Variants in UBE2E2 observed in about 807,000 individuals in gnomAD.
UBE2E2 encodes the protein ubiquitin-conjugating enzyme E2 E2.
A neutral mutation model predicts 24.7 loss-of-function variants in UBE2E2; 6 were observed. The observed-to-expected ratio is 0.24, with a 90% CI of 0.13 to 0.48. The LOEUF (loss-of-function observed/expected upper bound fraction) is 0.48, where lower values mean the gene tolerates loss of function less well. UBE2E2 is among the 20% of genes least tolerant of loss of function. The probability of loss-of-function intolerance (pLI) is 0.99; values close to 1 mark genes in which losing one functional copy is unlikely to be tolerated. For synonymous variants in UBE2E2, 104 were observed against 83.6 expected (o/e 1.24, Z -1.33); for missense variants, 169 against 245.0 (o/e 0.69, Z 2.07).
At chr3:23,292,332 G>T (rs765214429) in intron 3 of UBE2E2, among the ~76,000 whole-genome samples, 2 of 152,098 alleles carry the variant, frequency 1.3e-5, no homozygotes, top group African/African-American at 4.8e-5. Flanking sequence ...CTTTAAAACA[G>T]TATTGGTGGT....
chr3:23,304,179 C>T (rs1699182000), intron 3 of UBE2E2, among the ~76,000 whole-genome samples: 1 of 152,134 alleles, frequency 6.6e-6, no homozygotes, highest in African/African-American at 2.4e-5. Context: ...CCACTTTTGA[C>T]CGTGGGCAGG....
At chr3:23,483,454 CT>C (rs1699297542) in intron 3 of UBE2E2, among the ~76,000 whole-genome samples, 1 of 152,014 alleles carries the variant, frequency 6.6e-6, no homozygotes, top group South Asian at 2.1e-4. Context: ...AAAGTGTTAC[CT>C]TTTTTACAGA....
intron 3 of UBE2E2, among the ~76,000 whole-genome samples, chr3:23,495,041 C>G (rs551254619): frequency 6.6e-6 from 1 of 152,258 alleles, no homozygotes; most frequent in South Asian, 2.1e-4. Flanking sequence ...TCCCAAAGTG[C>G]TGTGATTACA....
chr3:23,582,305 A>G (rs934164934), intron 5 of UBE2E2, among the ~76,000 whole-genome samples: 2 of 152,026 alleles, frequency 1.3e-5, no homozygotes, highest in Non-Finnish European at 1.5e-5. Flanking sequence ...TAGATAGTCT[A>G]CCATTGATGG....
intron 3 of UBE2E2, among the ~76,000 whole-genome samples, chr3:23,229,080 G>T (rs1455015237): frequency 6.6e-6 from 1 of 152,256 alleles, no homozygotes; most frequent in East Asian, 1.9e-4. Flanking sequence ...GTTTCACCCA[G>T]TCTGGCAAGA....
At chr3:23,558,798 T>C (rs903854796) in intron 5 of UBE2E2, among the ~76,000 whole-genome samples, 1 of 152,216 alleles carries the variant, frequency 6.6e-6, no homozygotes, top group Non-Finnish European at 1.5e-5. Context: ...CAGTGGCATA[T>C]GCCTGTATTC....
intron 3 of UBE2E2, among the ~76,000 whole-genome samples, chr3:23,274,379 G>T (rs1698326213): frequency 6.6e-6 from 1 of 151,910 alleles, no homozygotes; most frequent in African/African-American, 2.4e-5. Flanking sequence ...AGAGTGACGA[G>T]TCCCTCTCTG....
intron 5 of UBE2E2, among the ~76,000 whole-genome samples, chr3:23,534,733 A>G (rs777609174): frequency 3.3e-5 from 5 of 152,162 alleles, no homozygotes; most frequent in Non-Finnish European, 7.4e-5. Flanking sequence ...TTTTTTACCT[A>G]CAGAGGTAGG....
chr3:23,553,035 T>A (rs545356674), intron 5 of UBE2E2, among the ~76,000 whole-genome samples: 4 of 152,294 alleles, frequency 2.6e-5, no homozygotes, highest in Admixed American at 2.0e-4. Context: ...TCTCCTTGAT[T>A]ATATCCACCC....
In UBE2E2 at chr3:23,203,454, C is replaced by CA. The variant is rs892969214; in HGVS notation, c.-19_-18insA. On this transcript the variant is annotated 5_prime_UTR_variant, in exon 1 of 6. Transcript: ENST00000396703. ...TCGAGCCTGCGACCTGCACGGACAC[C>CA]CCCCCCTCAGGTATTCGCTCGGGCC... The CA allele has an allele frequency of 1.5e-5, 14 of 955,170 alleles. No homozygotes were observed. The highest frequency in any genetic ancestry group is 5.0e-5 in the South Asian group (1 of 19,916). 59.2% of individuals were successfully genotyped at this position (955,170 alleles called of 1,614,324 possible).
At chr3:23,214,919 A>G (rs1171417290) in intron 2 of UBE2E2, among the ~76,000 whole-genome samples, 1 of 152,014 alleles carries the variant, frequency 6.6e-6, no homozygotes, top group Non-Finnish European at 1.5e-5. Context: ...ACAACTCTTA[A>G]TAATACACTT....
At chr3:23,391,977 G>A (rs1696946536) in intron 3 of UBE2E2, among the ~76,000 whole-genome samples, 1 of 152,060 alleles carries the variant, frequency 6.6e-6, no homozygotes, top group Admixed American at 6.6e-5. Context: ...AATTGTCACA[G>A]TAATTTAATA....
chr3:23,351,090 C>T (rs1373723052), intron 3 of UBE2E2, among the ~76,000 whole-genome samples: 2 of 152,096 alleles, frequency 1.3e-5, no homozygotes, highest in East Asian at 1.9e-4. Context: ...TTCAACATTC[C>T]TAAAGAAATG....
intron 3 of UBE2E2, among the ~76,000 whole-genome samples, chr3:23,449,371 C>G (rs1698504978): frequency 1.3e-5 from 2 of 152,068 alleles, no homozygotes; most frequent in Non-Finnish European, 2.9e-5. Flanking sequence ...ATTTTAGTAC[C>G]AAATCTCAGA....
chr3:23,495,006 C>T (rs1699573505), intron 3 of UBE2E2, among the ~76,000 whole-genome samples: 3 of 152,054 alleles, frequency 2.0e-5, no homozygotes, highest in Admixed American at 2.0e-4. Flanking sequence ...AACTCCTGGC[C>T]TCAAATGATC....
chr3:23,258,649 G>A (rs1337641536), intron 3 of UBE2E2, among the ~76,000 whole-genome samples: 6 of 152,018 alleles, frequency 3.9e-5, no homozygotes, highest in South Asian at 2.1e-4. Flanking sequence ...ATCCCACCAC[G>A]TTGGGAGGCC....
At chr3:23,547,896 A>C (rs114439994) in intron 5 of UBE2E2, among the ~76,000 whole-genome samples, 3 of 152,312 alleles carry the variant, frequency 2.0e-5, no homozygotes, top group African/African-American at 7.2e-5. Context: ...ACTTTTAAAA[A>C]ACTTTTATGC....
At chr3:23,562,917 C>A (rs1462930933) in intron 5 of UBE2E2, among the ~76,000 whole-genome samples, 1 of 152,084 alleles carries the variant, frequency 6.6e-6, no homozygotes, top group South Asian at 2.1e-4. Context: ...GTAGTGATAT[C>A]CCCTTTATCG....
chr3:23,349,691 G>A (rs1396491328), intron 3 of UBE2E2, among the ~76,000 whole-genome samples: 4 of 152,220 alleles, frequency 2.6e-5, no homozygotes, highest in East Asian at 1.9e-4. Flanking sequence ...AGGGGCGCCC[G>A]CCATTGCCCA....
Sources: allele counts gnomAD v4.1 joint callset (sites outside exome capture counted in the v4.1 genomes callset), GRCh38; gene constraint gnomAD v4.1.1; transcripts MANE v1.5; gene names NCBI Gene and HGNC (gene_info 2026-07-23, HGNC 2026-07-21).